COL8A1: variants seen among roughly 807,000 people sequenced by gnomAD.
COL8A1 encodes collagen type VIII alpha 1 chain.
COL8A1 carries 21 observed loss-of-function variants against 42.7 expected under a neutral mutation model. The observed-to-expected ratio is 0.49, with a 90% confidence interval of 0.35 to 0.71. The LOEUF is 0.71. Among genes scored for constraint, COL8A1 ranks in the 30% least tolerant of loss-of-function variants. The pLI, the probability that COL8A1 is intolerant of heterozygous loss-of-function variation, is 0.01. For missense variants in COL8A1, 788 were observed against 962.4 expected (o/e 0.82, Z 2.40); for synonymous variants, 367 against 369.1 (o/e 0.99, Z 0.06).
At chr3:99,726,757 T>C (rs1214639981) in intron 1 of COL8A1, among the ~76,000 whole-genome samples, 2 of 151,918 alleles carry the variant, frequency 1.3e-5, no homozygotes, top group Admixed American at 6.6e-5. Context: ...CTCTGTTCTG[T>C]TCCATTGATC....
At chr3:99,659,828 C>T (rs561932908) in intron 1 of COL8A1, among the ~76,000 whole-genome samples, 3 of 152,268 alleles carry the variant, frequency 2.0e-5, no homozygotes, top group Non-Finnish European at 4.4e-5. Context: ...TTATCCTTTA[C>T]CTTCCTCCCG....
At chr3:99,666,226 T>C (rs1280101510) in intron 1 of COL8A1, among the ~76,000 whole-genome samples, 1 of 152,128 alleles carries the variant, frequency 6.6e-6, no homozygotes, top group Non-Finnish European at 1.5e-5. Flanking sequence ...TGTGAGGAAA[T>C]AACAGGGACA....
In COL8A1 at chr3:99,796,147, A is replaced by G. The variant is rs1218367641; in HGVS notation, c.*11A>G. On this transcript the variant is annotated 3_prime_UTR_variant, in exon 4 of 4. Coordinates refer to ENST00000652472, the MANE Select transcript of COL8A1 (RefSeq NM_020351.4). ...TTGTATCCCATGTAAAAACAAAAAA[A>G]CAAAAAACAAAGAAAAGAAAGAGAT... 2.1e-5 allele frequency: 31 copies of G among 1,461,046 alleles called. No individual in the cohort carries two copies. Among genetic ancestry groups the G allele is most frequent in the Non-Finnish European group, 2.6e-5 (29 of 1,102,218 alleles). 90.5% of individuals were successfully genotyped at this position (1,461,046 alleles called of 1,614,324 possible).
chr3:99,643,340 T>C (rs1576409520), intron 1 of COL8A1, among the ~76,000 whole-genome samples: 1 of 152,190 alleles, frequency 6.6e-6, no homozygotes, highest in African/African-American at 2.4e-5. Flanking sequence ...TAAATTCTTG[T>C]GAAGAGTGAA....
chr3:99,645,012 T>A (rs944051284), intron 1 of COL8A1, among the ~76,000 whole-genome samples: 3 of 152,166 alleles, frequency 2.0e-5, no homozygotes, highest in African/African-American at 7.2e-5. Flanking sequence ...TGCAGCTGCC[T>A]TCAGTTCAGT....
chr3:99,712,477 C>T (rs1329786177), intron 1 of COL8A1, among the ~76,000 whole-genome samples: 4 of 152,120 alleles, frequency 2.6e-5, no homozygotes, highest in African/African-American at 4.8e-5. Flanking sequence ...GTCGGACATC[C>T]GGGCTCATGA....
chr3:99,733,648 C>A (rs1324930688), intron 1 of COL8A1, among the ~76,000 whole-genome samples: 4 of 151,838 alleles, frequency 2.6e-5, no homozygotes, highest in Non-Finnish European at 5.9e-5. Flanking sequence ...ATTTATAGTC[C>A]TTTGGGTATA....
intron 1 of COL8A1, among the ~76,000 whole-genome samples, chr3:99,647,967 A>C (rs1404320992): frequency 6.6e-6 from 1 of 152,220 alleles, no homozygotes; most frequent in Non-Finnish European, 1.5e-5. Flanking sequence ...TAAGTGGCAC[A>C]GTTGAGCACC....
intron 1 of COL8A1, among the ~76,000 whole-genome samples, chr3:99,663,036 C>A (rs1339767226): frequency 1.3e-5 from 2 of 152,066 alleles, no homozygotes; most frequent in South Asian, 4.1e-4. Flanking sequence ...AAAAGGATTT[C>A]GGATATTTGA....
chr3:99,735,531 T>C (rs1348830261), intron 1 of COL8A1, among the ~76,000 whole-genome samples: 1 of 149,902 alleles, frequency 6.7e-6, no homozygotes, highest in African/African-American at 2.5e-5. Context: ...AGCTTTTGGA[T>C]GTGCTGCTGG....
chr3:99,675,893 T>C (rs1938678273), intron 1 of COL8A1, among the ~76,000 whole-genome samples: 1 of 152,044 alleles, frequency 6.6e-6, no homozygotes, highest in Admixed American at 6.6e-5. Context: ...GTGTGATTCA[T>C]GTCAGCATTA....
intron 1 of COL8A1, among the ~76,000 whole-genome samples, chr3:99,705,928 T>G (rs1290102533): frequency 2.0e-5 from 3 of 152,218 alleles, no homozygotes; most frequent in Non-Finnish European, 4.4e-5. Context: ...AAATGTCAAT[T>G]TTTTTCTTAG....
intron 1 of COL8A1, among the ~76,000 whole-genome samples, chr3:99,704,480 T>C (rs1482545861): frequency 1.3e-5 from 2 of 152,158 alleles, no homozygotes; most frequent in African/African-American, 4.8e-5. Context: ...GTTACATATG[T>C]ATACATGTGC....
At chr3:99,783,038 G>C (rs1452967266) in intron 2 of COL8A1, among the ~76,000 whole-genome samples, 1 of 152,098 alleles carries the variant, frequency 6.6e-6, no homozygotes, top group Admixed American at 6.5e-5. Context: ...TCAAATACGT[G>C]AGCTATTATT....
In COL8A1 at chr3:99,795,790, G is replaced by T; in HGVS notation, c.1889G>T (p.Gly630Val). ...AELTAPFPPV[G>V]APVKFNKLLY... Reference sequence around the variant, plus strand: ...CTAACCGCACCTTTCCCACCGGTGGGGGCCCCAGTGAAGTTTAACAAACTG... The same window carrying T: ...CTAACCGCACCTTTCCCACCGGTGGTGGCCCCAGTGAAGTTTAACAAACTG... Residue 630 changes from glycine (G) to valine (V), a missense_variant, in exon 4 of 4, where the codon GGG (glycine) becomes GTG (valine). This residue lies in a region of COL8A1 where 212 missense variants were observed against 210.9 expected (regional missense o/e 1.00). Transcript: ENST00000652472. 2 of 1,614,118 alleles carry T rather than the reference G, an allele frequency of 1.2e-6. No homozygotes were observed. Among genetic ancestry groups the T allele is most frequent in the Non-Finnish European group, 1.7e-6 (2 of 1,180,016 alleles).
rs565008894 is a variant in COL8A1, at chr3:99,771,838, G to A, written c.-3-18842G>A. Among the ~76,000 whole-genome samples, 258 of 152,276 alleles carry A rather than the reference G, an allele frequency of 1.7e-3. 2 individuals carry two copies. In the Middle Eastern group the frequency reaches 0.02, roughly 12 times the overall value. On this transcript the variant is annotated intron_variant, in intron 2 of 3. Transcript: ENST00000652472. ...ATATGGTGCCATATGGGGACATTAA[G>A]AAGCCACCTTCCCTCAAAGGTCCTC...
intron 1 of COL8A1, among the ~76,000 whole-genome samples, chr3:99,742,276 G>A (rs792828): frequency 0.7 from 106,591 of 152,024 alleles, 37,971 homozygotes; most frequent in African/African-American, 0.84. Flanking sequence ...ATTTAATTAT[G>A]CAGCTGCTGT....
At chr3:99,706,344 C>A (rs1013969554) in intron 1 of COL8A1, among the ~76,000 whole-genome samples, 5 of 152,104 alleles carry the variant, frequency 3.3e-5, no homozygotes, top group African/African-American at 1.2e-4. Flanking sequence ...TCAATGAAAA[C>A]CAGCTTTGTT....
In COL8A1 at chr3:99,644,865, T is replaced by C. The variant is rs919709615; in HGVS notation, c.-129+6201T>C. ...TAGGAAATAACATGTATCTAGCCTATTGGGGAGCTTCTCTAGTCCCCTCTG... is the reference window on the plus strand; with the variant it reads ...TAGGAAATAACATGTATCTAGCCTACTGGGGAGCTTCTCTAGTCCCCTCTG... On this transcript the variant is annotated intron_variant, in intron 1 of 3. Coordinates refer to ENST00000652472, the MANE Select transcript of COL8A1 (RefSeq NM_020351.4). Among the ~76,000 whole-genome samples the C allele has an allele frequency of 2.6e-5, 4 of 152,186 alleles. No individual in the cohort carries two copies. The South Asian group carries it at 6.2e-4, about 24-fold the overall frequency.
Sources: allele counts gnomAD v4.1 joint callset (sites outside exome capture counted in the v4.1 genomes callset), GRCh38; gene constraint gnomAD v4.1.1; regional missense constraint gnomAD v4.1.1; transcripts MANE v1.5; gene names NCBI Gene and HGNC (gene_info 2026-07-23, HGNC 2026-07-21).